Variants in MED12L observed in about 807,000 individuals in gnomAD.
MED12L encodes mediator complex subunit 12L, also known as mediator of RNA polymerase II transcription subunit 12-like protein.
MED12L carries 60 observed loss-of-function variants against 281.3 expected under a neutral mutation model. That is an observed-to-expected ratio of 0.21 (90% CI 0.17 to 0.26). The LOEUF is 0.26. Among genes scored for constraint, MED12L ranks in the 10% least tolerant of loss-of-function variants. The probability of loss-of-function intolerance (pLI) is 1.00; values close to 1 mark genes in which losing one functional copy is unlikely to be tolerated. For missense variants in MED12L, 2,146 were observed against 2,680.9 expected (o/e 0.80, Z 4.41); for synonymous variants, 974 against 987.2 (o/e 0.99, Z 0.25).
chr3:151,163,504 C>CT (rs753868913), intron 8 of MED12L, among the ~76,000 whole-genome samples: 3,303 of 149,604 alleles, frequency 0.022, 38 homozygotes, highest in Non-Finnish European at 0.029. Context: ...TTTTTAAATA[C>CT]TTCTTTTTTT....
At chr3:151,400,049 A>C (rs1214184434) in intron 39 of MED12L, among the ~76,000 whole-genome samples, 1 of 151,916 alleles carries the variant, frequency 6.6e-6, no homozygotes, top group Admixed American at 6.6e-5. Flanking sequence ...CTGGTCTCGA[A>C]CTCCTGACCT....
chr3:151,269,643 G>C (rs533611939), intron 16 of MED12L: 2 of 393,782 alleles, frequency 5.1e-6, no homozygotes, highest in Non-Finnish European at 9.8e-6. Flanking sequence ...ATTATTTGAC[G>C]AGTTGAAGTG....
chr3:151,095,858 T>C (rs534515444), intron 2 of MED12L, among the ~76,000 whole-genome samples: 2 of 152,218 alleles, frequency 1.3e-5, no homozygotes, highest in East Asian at 1.9e-4. Context: ...CTGGGCAACA[T>C]AGTGAGAGCC....
Position 151,158,675 on chromosome 3 carries a change from T to G in MED12L, c.727-14T>G. The stretch of plus-strand genomic sequence containing the variant: ...TTTAACATTATTAATGTAATTTTTC[T>G]TTGTTCATTTAAGGAAGGAATGTTA... On this transcript the variant is annotated splice_polypyrimidine_tract_variant and intron_variant, in intron 6 of 44. Coordinates refer to ENST00000687756, the MANE Select transcript of MED12L (RefSeq NM_001393769.1). 6.4e-7 allele frequency: 1 copy of G among 1,551,800 alleles called. No individual in the cohort carries two copies. Among genetic ancestry groups the G allele is most frequent in the Non-Finnish European group, 8.9e-7 (1 of 1,129,682 alleles).
At chr3:151,232,518 C>A (rs771754151) in intron 16 of MED12L, among the ~76,000 whole-genome samples, 4 of 152,122 alleles carry the variant, frequency 2.6e-5, no homozygotes, top group Non-Finnish European at 5.9e-5. Context: ...TTCATAATAG[C>A]AAAGACATGG....
chr3:151,310,619 C>A (rs1251068725), intron 16 of MED12L, among the ~76,000 whole-genome samples: 1 of 152,166 alleles, frequency 6.6e-6, no homozygotes, highest in East Asian at 1.9e-4. Context: ...ACCTTAAGGC[C>A]CAACACCATC....
At chr3:151,103,070 A>T (rs946115948) in intron 2 of MED12L, among the ~76,000 whole-genome samples, 1 of 152,256 alleles carries the variant, frequency 6.6e-6, no homozygotes, top group Non-Finnish European at 1.5e-5. Flanking sequence ...TAAGATTGCA[A>T]TGCAAGAACT....
In MED12L at chr3:151,433,785, G is replaced by GTTTA. The variant is rs753139249; in HGVS notation, c.*985_*988dup. The GTTTA allele has an allele frequency of 1.8e-4, 27 of 152,688 alleles. No individual in the cohort carries two copies. The highest frequency in any genetic ancestry group is 3.8e-4 in the Non-Finnish European group (26 of 68,004). 9.5% of individuals were successfully genotyped at this position (152,688 alleles called of 1,614,324 possible). Reference sequence around the variant, plus strand: ...GGTTTTCATAAAAGGTGTATTTGCTGTTTATTTTGTATGGTAAGTATTTGC... The same window carrying GTTTA: ...GGTTTTCATAAAAGGTGTATTTGCTGTTTATTTATTTTGTATGGTAAGTATTTGC... On this transcript the variant is annotated 3_prime_UTR_variant, in exon 45 of 45. Transcript: ENST00000687756.
chr3:151,232,238 ATTGT>A (rs1731836753), intron 16 of MED12L, among the ~76,000 whole-genome samples: 1 of 152,164 alleles, frequency 6.6e-6, no homozygotes, highest in Non-Finnish European at 1.5e-5. Context: ...TACTTAAAAC[ATTGT>A]TTGTAGCTCT....
At chr3:151,349,365 C>T (rs1250767126) in intron 16 of MED12L, among the ~76,000 whole-genome samples, 1 of 152,184 alleles carries the variant, frequency 6.6e-6, no homozygotes, top group Non-Finnish European at 1.5e-5. Context: ...GTTTGCCTCA[C>T]ACCTAATGAC....
At chr3:151,242,434 G>A (rs1440189965) in intron 16 of MED12L, among the ~76,000 whole-genome samples, 16 of 152,192 alleles carry the variant, frequency 1.1e-4, no homozygotes, top group South Asian at 2.1e-4. Flanking sequence ...TCTGAGAACC[G>A]GCAGACTGCC....
At chr3:151,219,214 AAGTGTTT>A (rs1728841871) in intron 16 of MED12L, among the ~76,000 whole-genome samples, 3 of 152,220 alleles carry the variant, frequency 2.0e-5, no homozygotes, top group Admixed American at 2.0e-4. Context: ...GTGCTGCATG[AAGTGTTT>A]TCAAGTTGTC....
At chr3:151,196,573 T>C (rs1472761845) in intron 16 of MED12L, among the ~76,000 whole-genome samples, 1 of 152,214 alleles carries the variant, frequency 6.6e-6, no homozygotes, top group Non-Finnish European at 1.5e-5. Context: ...GAATAATACT[T>C]GATCTGCCCA....
chr3:151,432,862 A>G lies in MED12L; in HGVS notation c.*58A>G, dbSNP rs1719690937. 1.6e-6 allele frequency: 2 copies of G among 1,283,350 alleles called. No individual in the cohort carries two copies. The highest frequency in any genetic ancestry group is 2.2e-6 in the Non-Finnish European group (2 of 899,208). 79.5% of individuals were successfully genotyped at this position (1,283,350 alleles called of 1,614,324 possible). A position where few individuals can be genotyped will look rare whatever the true frequency, so the allele number is the denominator to read the frequency against. ...TTTGCACTGAAAAACAGAAAATCAA[A>G]TTTAATGCATTAGTCATCTTAAAAA... On this transcript the variant is annotated 3_prime_UTR_variant, in exon 45 of 45. Transcript: ENST00000687756.
At chr3:151,211,068 G>A (rs1727083595) in intron 16 of MED12L, among the ~76,000 whole-genome samples, 1 of 152,200 alleles carries the variant, frequency 6.6e-6, no homozygotes, top group Non-Finnish European at 1.5e-5. Context: ...TATTGCTGGT[G>A]CTCTGCCACT....
rs530482564 is a variant in MED12L, at chr3:151,120,212, T to A, written c.205-2571T>A. ...GTGCATTCTAGCCTGGATAAGAGAGTGAGACTGTCTCAAAAAAAAAAACAA... is the reference window on the plus strand; with the variant it reads ...GTGCATTCTAGCCTGGATAAGAGAGAGAGACTGTCTCAAAAAAAAAAACAA... On this transcript the variant is annotated intron_variant, in intron 3 of 44. Transcript: ENST00000687756. Among the ~76,000 whole-genome samples, 7 of 150,164 alleles carry A rather than the reference T, an allele frequency of 4.7e-5. No individual in the cohort carries two copies. In the South Asian group the frequency reaches 1.5e-3, roughly 32 times the overall value.
intron 43 of MED12L, among the ~76,000 whole-genome samples, chr3:151,429,972 C>A (rs749347066): frequency 8.5e-5 from 13 of 152,320 alleles, no homozygotes; most frequent in African/African-American, 7.2e-5. Flanking sequence ...TCATGATACT[C>A]ATGAGCTAGC....
chr3:151,206,036 CGTT>C (rs1038633752), intron 16 of MED12L, among the ~76,000 whole-genome samples: 1 of 151,300 alleles, frequency 6.6e-6, no homozygotes, highest in Non-Finnish European at 1.5e-5. Flanking sequence ...TCTCTATAGC[CGTT>C]GTGCTTCAGG....
At chr3:151,170,654 C>A (rs1478187200) in intron 11 of MED12L, among the ~76,000 whole-genome samples, 1 of 152,138 alleles carries the variant, frequency 6.6e-6, no homozygotes, top group African/African-American at 2.4e-5. Context: ...TGTGTCTGGG[C>A]TTTTGGGTAT....
Sources: allele counts gnomAD v4.1 joint callset (sites outside exome capture counted in the v4.1 genomes callset), GRCh38; gene constraint gnomAD v4.1.1; transcripts MANE v1.5; gene names NCBI Gene and HGNC (gene_info 2026-07-23, HGNC 2026-07-21).